R3HDM1: variants seen among roughly 807,000 people sequenced by gnomAD.
R3HDM1 encodes the protein R3H domain containing 1.
A neutral mutation model predicts 141.1 loss-of-function variants in R3HDM1; 46 were observed. That is an observed-to-expected ratio of 0.33 (90% CI 0.26 to 0.42). R3HDM1 has a LOEUF of 0.42. Among genes scored for constraint, R3HDM1 ranks in the 10% least tolerant of loss-of-function variants. R3HDM1 has a pLI of 1.00. For synonymous variants in R3HDM1, 435 were observed against 472.9 expected (o/e 0.92, Z 1.04); for missense variants, 1,184 against 1,368.3 (o/e 0.87, Z 2.12).
At chr2:135,698,584 G>A (rs568226180) in intron 21 of R3HDM1, among the ~76,000 whole-genome samples, 7 of 152,098 alleles carry the variant, frequency 4.6e-5, no homozygotes, top group South Asian at 2.1e-4. Flanking sequence ...CTCTATATTC[G>A]TCTGTTCTCG....
At chr2:135,578,733 ATG>A (rs1235118791) in intron 1 of R3HDM1, among the ~76,000 whole-genome samples, 4 of 152,348 alleles carry the variant, frequency 2.6e-5, no homozygotes, top group Admixed American at 2.0e-4. Context: ...TAAGTAGTAA[ATG>A]TGTTTCTCAC....
At chr2:135,699,928 G>A (rs1463375863) in intron 21 of R3HDM1, among the ~76,000 whole-genome samples, 2 of 152,146 alleles carry the variant, frequency 1.3e-5, no homozygotes, top group African/African-American at 4.8e-5. Flanking sequence ...AACACAAAAA[G>A]TAGGCTAAAA....
At chr2:135,554,958 C>G (rs1301892596) in intron 1 of R3HDM1, among the ~76,000 whole-genome samples, 1 of 152,190 alleles carries the variant, frequency 6.6e-6, no homozygotes, top group Non-Finnish European at 1.5e-5. Context: ...AGGCAAACTT[C>G]TTTTGTTTTG....
chr2:135,584,473 T>A, intron 1 of R3HDM1: 1 of 785,348 alleles, frequency 1.3e-6, no homozygotes, highest in Non-Finnish European at 1.5e-6. Flanking sequence ...GTTTTAACAT[T>A]TGTAAGGTAG....
At chr2:135,698,644 G>A (rs2073655793) in intron 21 of R3HDM1, among the ~76,000 whole-genome samples, 1 of 152,164 alleles carries the variant, frequency 6.6e-6, no homozygotes, top group African/African-American at 2.4e-5. Context: ...AAGAAAAGAG[G>A]TTTAATTGGC....
At chr2:135,566,059 C>G (rs533496618) in intron 1 of R3HDM1, 1 of 152,320 alleles carries the variant, frequency 6.6e-6, no homozygotes, top group East Asian at 1.9e-4. Flanking sequence ...GCCTCAGCTT[C>G]TCTCCCAACA....
intron 19 of R3HDM1, chr2:135,669,670 T>C: frequency 1.3e-6 from 1 of 760,208 alleles, no homozygotes; most frequent in Non-Finnish European, 1.6e-6. Flanking sequence ...TTGATAGCTG[T>C]TGATCATAGA....
chr2:135,670,548 C>A, intron 19 of R3HDM1: 2 of 341,364 alleles, frequency 5.9e-6, no homozygotes, highest in Non-Finnish European at 8.3e-6. Context: ...TGTCATATAA[C>A]CCCATTTCTA....
intron 21 of R3HDM1, among the ~76,000 whole-genome samples, chr2:135,690,023 C>CT (rs1295648971): frequency 2.6e-5 from 4 of 152,058 alleles, no homozygotes; most frequent in Non-Finnish European, 5.9e-5. Context: ...AGACTATAGC[C>CT]TTTTTTTAAG....
At chr2:135,603,384 C>T (rs558710332) in intron 2 of R3HDM1, among the ~76,000 whole-genome samples, 1 of 152,120 alleles carries the variant, frequency 6.6e-6, no homozygotes, top group South Asian at 2.1e-4. Flanking sequence ...CTGGTTTCCC[C>T]CCCGCCACAA....
chr2:135,548,415 CT>C (rs1477706990), intron 1 of R3HDM1, among the ~76,000 whole-genome samples: 6 of 152,108 alleles, frequency 3.9e-5, no homozygotes, highest in Admixed American at 6.5e-5. Context: ...TGTTTGATTG[CT>C]TTTTAAAGGC....
intron 1 of R3HDM1, among the ~76,000 whole-genome samples, chr2:135,557,086 T>TA (rs1314461989): frequency 2.0e-5 from 3 of 152,194 alleles, no homozygotes; most frequent in Non-Finnish European, 2.9e-5. Flanking sequence ...TGTGGGATCT[T>TA]ACTGCCTTTT....
chr2:135,629,315 A>AAAAC (rs138706311), intron 7 of R3HDM1, among the ~76,000 whole-genome samples: 24,800 of 151,694 alleles, frequency 0.16, 2,919 homozygotes, highest in East Asian at 0.46. Flanking sequence ...GACTGTCTCA[A>AAAAC]AAACAAACAA....
intron 24 of R3HDM1, chr2:135,721,708 C>T (rs1301721781): frequency 4.9e-6 from 2 of 406,816 alleles, no homozygotes; most frequent in African/African-American, 2.0e-5. Context: ...ATGCCTCAGC[C>T]TCCTGAGTAG....
intron 1 of R3HDM1, among the ~76,000 whole-genome samples, chr2:135,574,223 C>G (rs774288363): frequency 1.3e-5 from 2 of 152,106 alleles, no homozygotes; most frequent in Admixed American, 6.5e-5. Context: ...TCACAAGAGA[C>G]TACTTAGCAG....
At chr2:135,641,846 T>C in intron 15 of R3HDM1, 56 bp downstream of exon 15, 2 of 1,485,334 alleles carry the variant, frequency 1.3e-6, no homozygotes, top group Non-Finnish European at 1.8e-6. Flanking sequence ...AGGATACTTA[T>C]TAAATGTATT....
At chr2:135,542,145 AT>A in intron 1 of R3HDM1, among the ~76,000 whole-genome samples, 1 of 152,150 alleles carries the variant, frequency 6.6e-6, no homozygotes, top group Non-Finnish European at 1.5e-5. Flanking sequence ...CAGGTGTGGA[AT>A]TTTCTACTTG....
Position 135,645,577 on chromosome 2 carries a change from T to C in R3HDM1, c.1623+50T>C, listed in dbSNP as rs1188095561. ...TGCTAAGTTGACTTGCCTTTACATA[T>C]TTGGGACTAAATTCGCTAATTATAA... On this transcript the variant is annotated intron_variant, in intron 16 of 26. Transcript: ENST00000683871. The C allele has an allele frequency of 3.2e-6, 5 of 1,575,714 alleles. No homozygotes were observed. In the South Asian group the frequency reaches 5.7e-5, roughly 18 times the overall value.
chr2:135,541,871 AGAAAG>A (rs1372300349), intron 1 of R3HDM1, among the ~76,000 whole-genome samples: 2 of 143,676 alleles, frequency 1.4e-5, no homozygotes, highest in Non-Finnish European at 3.0e-5. Flanking sequence ...AAAAAAAAAA[AGAAAG>A]AAAGAAAGAG....
Sources: gnomAD v4.1 joint callset for allele counts (sites outside exome capture counted in the v4.1 genomes callset) on GRCh38, gnomAD v4.1.1 for gene constraint, MANE v1.5 for transcripts, NCBI Gene and HGNC (gene_info 2026-07-23, HGNC 2026-07-21) for gene names.